PPP1R2: variants seen among roughly 807,000 people sequenced by gnomAD.
PPP1R2 encodes the protein protein phosphatase inhibitor 2.
Under a neutral mutation model 29.9 loss-of-function variants are expected in PPP1R2, and 16 were observed. The ratio of observed to expected loss-of-function variants is 0.53; its 90% CI spans 0.36 to 0.81. The LOEUF (loss-of-function observed/expected upper bound fraction) is 0.81, where lower values mean the gene tolerates loss of function less well. Among genes scored for constraint, PPP1R2 ranks in the 30% least tolerant of loss-of-function variants. PPP1R2 has a pLI of 0.00. For synonymous variants in PPP1R2, 76 were observed against 91.5 expected, an observed-to-expected ratio of 0.83 and a Z score of 0.96; for missense variants, 197 against 252.7, an observed-to-expected ratio of 0.78 and a Z score of 1.49.
chr3:195,543,275 G>T lies in PPP1R2; in HGVS notation c.-250C>A, dbSNP rs939152512. ...CACTGGCACTTGACCCGCGGCTCGC[G>T]GAGAGACGCCGGCCTAGAGCTCCAG... On this transcript the variant is annotated 5_prime_UTR_variant, in exon 1 of 6. Transcript: ENST00000618156. 9 of 386,478 alleles carry T rather than the reference G, an allele frequency of 2.3e-5. No individual in the cohort carries two copies. Among genetic ancestry groups the T allele is most frequent in the Non-Finnish European group, 3.7e-5 (8 of 219,144 alleles). 23.9% of individuals were successfully genotyped at this position (386,478 alleles called of 1,614,324 possible).
rs71180929 is a variant in PPP1R2, at chr3:195,526,103, A to ATT, written c.231-1209_231-1208dup. Among the ~76,000 whole-genome samples, 1,190 of 145,850 alleles carry ATT rather than the reference A, an allele frequency of 8.2e-3. 21 individuals carry two copies. The highest frequency in any genetic ancestry group is 0.022 in the African/African-American group (866 of 39,538). The stretch of plus-strand genomic sequence containing the variant: ...TAAAAAGCATCTTCACTTAAATAAA[A>ATT]TTTTTTTTTTTTTTGAGACAGGGTC... On this transcript the variant is annotated intron_variant, in intron 2 of 5. Transcript: ENST00000618156.
intron 1 of PPP1R2, among the ~76,000 whole-genome samples, chr3:195,539,385 G>A (rs1006092526): frequency 6.6e-6 from 1 of 152,136 alleles, no homozygotes. Context: ...TCAAAAATTG[G>A]TATCTGACAA....
Position 195,515,764 on chromosome 3 carries a change from A to AC in PPP1R2, c.*1131_*1132insG, listed in dbSNP as rs1371067774. ...AAGAAAACCCTCAAAAAACAAACAA[A>AC]AAAAACCCTCAGTTAGTTGTTTTCT... On this transcript the variant is annotated 3_prime_UTR_variant, in exon 6 of 6. Transcript: ENST00000618156. 6.6e-6 allele frequency: 1 copy of AC among 152,068 alleles called. No individual in the cohort carries two copies. The allele number at this position is 152,068 out of a possible 1,614,324, so 9.4% of individuals were successfully genotyped here. A position where few individuals can be genotyped will look rare whatever the true frequency, so the allele number is the denominator to read the frequency against.
At chr3:195,526,465 T>C (rs1718974578) in intron 2 of PPP1R2, among the ~76,000 whole-genome samples, 1 of 152,140 alleles carries the variant, frequency 6.6e-6, no homozygotes, top group South Asian at 2.1e-4. Flanking sequence ...AGTGAACTGA[T>C]AAAAGCAGGA....
chr3:195,522,018 A>G (rs1177034428), intron 4 of PPP1R2, among the ~76,000 whole-genome samples: 1 of 152,154 alleles, frequency 6.6e-6, no homozygotes, highest in African/African-American at 2.4e-5. Flanking sequence ...TATGAATACA[A>G]CAAGTGAATT....
rs1022913857 is a variant in PPP1R2 at position 195,516,451 on chromosome 3, T to C, written c.*445A>G. ...ACAAGTGTTAAAATACTATTCAGCC[T>C]AAATATTTATCAGTCTATATATCCT... On this transcript the variant is annotated 3_prime_UTR_variant, in exon 6 of 6. Transcript: ENST00000618156. 6.5e-6 allele frequency: 1 copy of C among 154,400 alleles called. No individual in the cohort carries two copies. The highest frequency in any genetic ancestry group is 1.4e-5 in the Non-Finnish European group (1 of 69,246). The allele number at this position is 154,400 out of a possible 1,614,324, so 9.6% of individuals were successfully genotyped here.
At chr3:195,524,968 C>T (rs1718910804) in intron 2 of PPP1R2, 72 bp from the exon 3 acceptor site, 1 of 1,269,584 alleles carries the variant, frequency 7.9e-7, no homozygotes, top group South Asian at 1.2e-5. Flanking sequence ...GGGAGAAAAA[C>T]AATTCCATCA....
At chr3:195,541,589 G>A (rs975351082) in intron 1 of PPP1R2, among the ~76,000 whole-genome samples, 2 of 150,300 alleles carry the variant, frequency 1.3e-5, no homozygotes, top group Non-Finnish European at 3.0e-5. Context: ...GAGCCACCAC[G>A]CCTGGATGTT....
intron 4 of PPP1R2, among the ~76,000 whole-genome samples, chr3:195,522,809 A>G (rs549891313): frequency 2.6e-5 from 4 of 152,332 alleles, no homozygotes; most frequent in East Asian, 1.9e-4. Flanking sequence ...CCTTCGTTCT[A>G]AAGTTTCTCA....
chr3:195,519,143 T>A lies in PPP1R2; in HGVS notation c.446A>T (p.Asn149Ile), dbSNP rs1457148347. ...GGCTAGTTTGATATTGAGTCCTTCA[T>A]TGTAGTGAAGCTTCCTTTTCATTTC... is the stretch of plus-strand genomic sequence containing the variant. The part of the protein sequence containing the change: ...QFEMKRKLHY[N>I]EGLNIKLARQ... Residue 149 changes from asparagine (N) to isoleucine (I), a missense_variant, in exon 5 of 6, where the codon AAT (asparagine) becomes ATT (isoleucine). Around this residue, in one of 3 missense-constraint regions of PPP1R2, gnomAD observed 135 missense variants for 163.0 expected, o/e 0.83. Transcript: ENST00000618156. 1.2e-6 allele frequency: 2 copies of A among 1,607,950 alleles called. No individual in the cohort carries two copies. The highest frequency in any genetic ancestry group is 2.2e-5 in the South Asian group (2 of 88,892).
Position 195,529,869 on chromosome 3 carries a change from A to G in PPP1R2, c.155T>C (p.Ile52Thr). 1 of 1,611,300 alleles carries G rather than the reference A, an allele frequency of 6.2e-7. No individual in the cohort carries two copies. The highest frequency in any genetic ancestry group is 8.5e-7 in the Non-Finnish European group (1 of 1,179,492). The change falls in exon 2 of 6, where the codon ATC becomes ACC. Residue 52 changes from isoleucine to threonine, a missense_variant. This residue lies in a region of PPP1R2 where 8 missense variants were observed against 29.2 expected (regional missense o/e 0.27). Transcript: ENST00000618156. ...GTCTGCTGGATGATACGTCGCCAAGATGTTCATTTCATCCCACTTCTGGGA... is the reference window on the plus strand; with the variant it reads ...GTCTGCTGGATGATACGTCGCCAAGGTGTTCATTTCATCCCACTTCTGGGA... ...KKSQKWDEMN[I>T]LATYHPADKD... is the part of the protein sequence containing the mutation.
chr3:195,518,650 CAA>C (rs35912447), intron 5 of PPP1R2, among the ~76,000 whole-genome samples: 310 of 133,910 alleles, frequency 2.3e-3, no homozygotes, highest in African/African-American at 4.2e-3. Context: ...GACTCTGTCT[CAA>C]AAAAAAAAAA....
intron 5 of PPP1R2, among the ~76,000 whole-genome samples, chr3:195,517,862 A>G (rs1718605547): frequency 6.6e-6 from 1 of 152,232 alleles, no homozygotes; most frequent in Non-Finnish European, 1.5e-5. Flanking sequence ...AATAGACTAA[A>G]AGGTTGAAGC....
Position 195,524,816 on chromosome 3 carries a change from TA to T in PPP1R2, c.308+2del. ...AAAATGTGCTCCGGTCATTAGTACT[TA>T]CTTCCTGGCTAAGATGTCTGGCGCC... On this transcript the variant is annotated splice_donor_variant, in intron 3 of 5. Transcript: ENST00000618156. LOFTEE classifies it high-confidence loss of function. The T allele has an allele frequency of 1.2e-6, 2 of 1,614,008 alleles. No individual in the cohort carries two copies. The highest frequency in any genetic ancestry group is 1.7e-6 in the Non-Finnish European group (2 of 1,179,884).
At chr3:195,531,313 C>T (rs78110506) in intron 1 of PPP1R2, among the ~76,000 whole-genome samples, 6,210 of 152,230 alleles carry the variant, frequency 0.041, 190 homozygotes, top group Non-Finnish European at 0.063. Flanking sequence ...CTTGGAAAAA[C>T]CTGCCTTAAA....
rs551268359 is a variant in PPP1R2, at chr3:195,543,257, A to T, written c.-232T>A. ...TACTCGCGCACCCTTAGCCACTGGC[A>T]CTTGACCCGCGGCTCGCGGAGAGAC... On this transcript the variant is annotated 5_prime_UTR_variant, in exon 1 of 6. Coordinates refer to ENST00000618156, the MANE Select transcript of PPP1R2 (RefSeq NM_006241.8). 457 of 442,854 alleles carry T rather than the reference A, an allele frequency of 1.0e-3. 2 individuals are homozygous for T. The highest frequency in any genetic ancestry group is 9.1e-3 in the African/African-American group (440 of 48,554). The allele number at this position is 442,854 out of a possible 1,614,324, so 27.4% of individuals were successfully genotyped here.
rs1718856366 is a variant in PPP1R2 at position 195,523,731 on chromosome 3, T to C, written c.364A>G (p.Ser122Gly). 1 of 1,614,082 alleles carries C rather than the reference T, an allele frequency of 6.2e-7. No homozygotes were observed. Among genetic ancestry groups the C allele is most frequent in the African/African-American group, 1.3e-5 (1 of 74,954 alleles). The change falls in exon 4 of 6, where the codon AGT becomes GGT. Residue 122 changes from serine (S) to glycine (G), a missense_variant. Ser to Gly is a moderately conservative substitution (Grantham distance 56, BLOSUM62 0). Transcript: ENST00000618156. The part of the protein sequence containing the change: ...PKYRIQEQES[S>G]GEEDSDLSPE... ...GAGAGGTCACTATCCTCCTCTCCAC[T>C]GCTTTCTTGTTCCTGAATCCGATAC...
At chr3:195,540,707 AC>A (rs1379413355) in intron 1 of PPP1R2, among the ~76,000 whole-genome samples, 1 of 152,124 alleles carries the variant, frequency 6.6e-6, no homozygotes, top group Non-Finnish European at 1.5e-5. Context: ...CTGAGCTGGC[AC>A]GCTCAGCTTC....
At chr3:195,524,696 TAA>T in intron 3 of PPP1R2, 121 bp downstream of exon 3, 1 of 869,210 alleles carries the variant, frequency 1.2e-6, no homozygotes, top group Non-Finnish European at 1.8e-6. Flanking sequence ...AAAGTCGGCA[TAA>T]AACATGTTGA....
Sources: gnomAD v4.1 joint callset for allele counts (sites outside exome capture counted in the v4.1 genomes callset) on GRCh38, gnomAD v4.1.1 for gene constraint, gnomAD v4.1.1 regional missense constraint, MANE v1.5 for transcripts, NCBI Gene and HGNC (gene_info 2026-07-23, HGNC 2026-07-21) for gene names.